The following PIK3C2G variants were observed in gnomAD, a reference collection of about 807,000 sequenced individuals.
The protein encoded by PIK3C2G is phosphatidylinositol 3-kinase C2 domain-containing subunit gamma.
A neutral mutation model predicts 181.1 loss-of-function variants in PIK3C2G; 168 were observed. The ratio of observed to expected loss-of-function variants is 0.93; its 90% CI spans 0.82 to 1.05. The LOEUF is 1.05. Among genes scored for constraint, PIK3C2G ranks in the 50% least tolerant of loss-of-function variants. The pLI is 0.00. For missense variants in PIK3C2G, 1,869 were observed against 1,732.8 expected (o/e 1.08, Z -1.40); for synonymous variants, 573 against 592.2 (o/e 0.97, Z 0.47).
At chr12:18,262,196 C>G (rs1009175291) in intron 1 of PIK3C2G, among the ~76,000 whole-genome samples, 1 of 152,082 alleles carries the variant, frequency 6.6e-6, no homozygotes, top group Non-Finnish European at 1.5e-5. Context: ...CAATGTGAAC[C>G]TATTGTGTGT....
intron 15 of PIK3C2G, among the ~76,000 whole-genome samples, chr12:18,399,200 A>C (rs1944091448): frequency 6.6e-6 from 1 of 150,540 alleles, no homozygotes; most frequent in Non-Finnish European, 1.5e-5. Context: ...GTCTCAAAAA[A>C]AAAAAAAAAA....
intron 18 of PIK3C2G, among the ~76,000 whole-genome samples, chr12:18,437,755 AATTG>A: frequency 6.6e-6 from 1 of 152,068 alleles, no homozygotes; most frequent in South Asian, 2.1e-4. Flanking sequence ...TGTTGACATA[AATTG>A]ATTGATGATG....
At chr12:18,434,230 A>G (rs986071879) in intron 18 of PIK3C2G, among the ~76,000 whole-genome samples, 1 of 152,200 alleles carries the variant, frequency 6.6e-6, no homozygotes, top group South Asian at 2.1e-4. Context: ...AGACTTTTTT[A>G]TAAGGGCATG....
chr12:18,544,127 A>G (rs573605142), intron 25 of PIK3C2G, among the ~76,000 whole-genome samples: 2 of 151,974 alleles, frequency 1.3e-5, no homozygotes, highest in African/African-American at 4.8e-5. Context: ...AAAGAGAGAA[A>G]AGGCAATTCC....
intron 22 of PIK3C2G, among the ~76,000 whole-genome samples, chr12:18,498,701 T>C (rs765051046): frequency 6.6e-6 from 1 of 152,148 alleles, no homozygotes; most frequent in Non-Finnish European, 1.5e-5. Context: ...AGATTTTAGA[T>C]GCTAAGTATG....
At position 18,505,269 on chromosome 12, in the gene PIK3C2G, A is replaced by T. The variant is rs568605911; in HGVS notation, c.3154-23A>T. On this transcript the variant is annotated intron_variant, in intron 23 of 32. Coordinates refer to ENST00000538779, the MANE Select transcript of PIK3C2G (RefSeq NM_001288772.2). ...GCTCATTTTTTGTTGTTATTTTTGC[A>T]TGATTGTTTTTCAATGAATTAGGCC... 1.4e-5 allele frequency: 22 copies of T among 1,553,360 alleles called. No homozygotes were observed. In the East Asian group the frequency reaches 2.3e-4, roughly 16 times the overall value.
chr12:18,419,293 A>G (rs1945345797), intron 16 of PIK3C2G, among the ~76,000 whole-genome samples: 1 of 152,186 alleles, frequency 6.6e-6, no homozygotes, highest in Admixed American at 6.6e-5. Flanking sequence ...TCAATAAGGT[A>G]AAATAGTCAC....
At chr12:18,719,580 T>G in the PIK3C2G span, 223 of 1,606,980 alleles carry the variant, frequency 1.4e-4, 1 homozygote, top group Non-Finnish European at 1.8e-4. Flanking sequence ...GACATTCACG[T>G]GAATCCATGT....
the PIK3C2G span, chr12:18,705,274 G>A: frequency 6.2e-7 from 1 of 1,614,052 alleles, no homozygotes; most frequent in Non-Finnish European, 8.5e-7. Context: ...GGGCAGTGGA[G>A]CAGTGATTTT....
At chr12:18,248,496 C>T (rs910245888) in intron 1 of PIK3C2G, among the ~76,000 whole-genome samples, 5 of 152,044 alleles carry the variant, frequency 3.3e-5, no homozygotes, top group Admixed American at 2.0e-4. Flanking sequence ...TGGTGTGAAC[C>T]CGGGGCGGAG....
the PIK3C2G span, among the ~76,000 whole-genome samples, chr12:18,663,096 T>C: frequency 6.6e-6 from 1 of 152,002 alleles, no homozygotes; most frequent in African/African-American, 2.4e-5. Context: ...AAGCCACATA[T>C]GAAAAATCCA....
At chr12:18,564,741 C>T (rs1438280507) in intron 28 of PIK3C2G, among the ~76,000 whole-genome samples, 1 of 152,006 alleles carries the variant, frequency 6.6e-6, no homozygotes, top group African/African-American at 2.4e-5. Flanking sequence ...AAAAGAGACA[C>T]AGGCAAAAAA....
the PIK3C2G span, among the ~76,000 whole-genome samples, chr12:18,715,438 G>C: frequency 6.6e-6 from 1 of 150,496 alleles, no homozygotes; most frequent in African/African-American, 2.4e-5. Flanking sequence ...GTCTCGCTCT[G>C]TCGCCCAGAC....
intron 1 of PIK3C2G, among the ~76,000 whole-genome samples, chr12:18,268,574 T>C (rs1948609625): frequency 6.6e-6 from 1 of 152,188 alleles, no homozygotes; most frequent in Non-Finnish European, 1.5e-5. Context: ...TTCATTTAAC[T>C]CTTAGACTAC....
chr12:18,364,963 G>A (rs1352925806), intron 12 of PIK3C2G, among the ~76,000 whole-genome samples: 1 of 152,102 alleles, frequency 6.6e-6, no homozygotes, highest in Non-Finnish European at 1.5e-5. Context: ...TTAATTAAAA[G>A]TAATTTCTGG....
intron 32 of PIK3C2G, among the ~76,000 whole-genome samples, chr12:18,645,260 C>T (rs932852634): frequency 6.6e-6 from 1 of 151,866 alleles, no homozygotes; most frequent in South Asian, 2.1e-4. Flanking sequence ...CTAACATTAG[C>T]CACTAATTAT....
chr12:18,355,094 G>C (rs59845224), intron 11 of PIK3C2G, among the ~76,000 whole-genome samples: 12 of 152,232 alleles, frequency 7.9e-5, no homozygotes, highest in Non-Finnish European at 1.5e-5. Context: ...CTTCCATGAC[G>C]TGGAGGCTTA....
chr12:18,673,808 T>G, the PIK3C2G span, among the ~76,000 whole-genome samples: 1 of 152,184 alleles, frequency 6.6e-6, no homozygotes, highest in Non-Finnish European at 1.5e-5. Flanking sequence ...CACAAACTGT[T>G]GGACTCAGGG....
intron 29 of PIK3C2G, among the ~76,000 whole-genome samples, chr12:18,573,485 G>C (rs914184353): frequency 6.6e-6 from 1 of 152,174 alleles, no homozygotes; most frequent in Non-Finnish European, 1.5e-5. Flanking sequence ...TCCCACTTGT[G>C]TGAGTAAACA....
Sources: gnomAD v4.1 joint callset for allele counts (sites outside exome capture counted in the v4.1 genomes callset) on GRCh38, gnomAD v4.1.1 for gene constraint, MANE v1.5 for transcripts, NCBI Gene and HGNC (gene_info 2026-07-23, HGNC 2026-07-21) for gene names.